Variants in KCNH7 observed in about 807,000 individuals in gnomAD.
KCNH7 encodes potassium voltage-gated channel subfamily H member 7, also known as voltage-gated inwardly rectifying potassium channel KCNH7.
Under a neutral mutation model 120.8 loss-of-function variants are expected in KCNH7, and 49 were observed. The observed-to-expected ratio is 0.41, with a 90% confidence interval of 0.32 to 0.51. The LOEUF is 0.51. KCNH7 is among the 20% of genes least tolerant of loss of function. KCNH7 has a pLI of 0.38. For missense variants in KCNH7, 1,097 were observed against 1,446.6 expected, an observed-to-expected ratio of 0.76 and a Z score of 3.92; for synonymous variants, 547 against 516.1, an observed-to-expected ratio of 1.06 and a Z score of -0.81.
intron 12 of KCNH7, among the ~76,000 whole-genome samples, chr2:162,386,331 T>C (rs1167764716): frequency 6.6e-6 from 1 of 151,938 alleles, no homozygotes; most frequent in African/African-American, 2.4e-5. Context: ...CCAATTTTCT[T>C]TGTTTTTAAC....
intron 2 of KCNH7, among the ~76,000 whole-genome samples, chr2:162,554,366 T>C (rs1165657595): frequency 6.6e-6 from 1 of 152,216 alleles, no homozygotes. Flanking sequence ...CATAGCCTTT[T>C]TTTTTAAGTA....
At chr2:162,558,368 G>C (rs1400231978) in intron 2 of KCNH7, among the ~76,000 whole-genome samples, 1 of 151,858 alleles carries the variant, frequency 6.6e-6, no homozygotes, top group Non-Finnish European at 1.5e-5. Flanking sequence ...TAGAGACGGG[G>C]TTTCACCATC....
chr2:162,730,799 A>AAC (rs1298299340), intron 2 of KCNH7, among the ~76,000 whole-genome samples: 5 of 152,114 alleles, frequency 3.3e-5, no homozygotes, highest in Non-Finnish European at 7.4e-5. Flanking sequence ...GTCATTCATG[A>AAC]ACATGGATAC....
chr2:162,805,288 T>C (rs1684499742), intron 2 of KCNH7, among the ~76,000 whole-genome samples: 1 of 151,234 alleles, frequency 6.6e-6, no homozygotes, highest in Non-Finnish European at 1.5e-5. Context: ...ATTATCAGAG[T>C]AAACAGACAA....
chr2:162,784,648 C>A (rs1181101676), intron 2 of KCNH7: 2 of 152,120 alleles, frequency 1.3e-5, no homozygotes, highest in Non-Finnish European at 2.9e-5. Flanking sequence ...CCACCACCTG[C>A]AAACTTGGCA....
At chr2:162,757,968 G>A (rs1688844652) in intron 2 of KCNH7, among the ~76,000 whole-genome samples, 1 of 152,114 alleles carries the variant, frequency 6.6e-6, no homozygotes, top group African/African-American at 2.4e-5. Context: ...AACCAAAGCT[G>A]GAGTGAGTAC....
chr2:162,623,491 G>A (rs1444067280), intron 2 of KCNH7, among the ~76,000 whole-genome samples: 1 of 152,062 alleles, frequency 6.6e-6, no homozygotes, highest in Non-Finnish European at 1.5e-5. Context: ...CTGTAGAACT[G>A]CTTTTTATAT....
chr2:162,758,945 CA>C (rs1328986123), intron 2 of KCNH7, among the ~76,000 whole-genome samples: 4 of 152,056 alleles, frequency 2.6e-5, no homozygotes, highest in African/African-American at 9.7e-5. Context: ...TTTGAGGAAA[CA>C]AAGGATGACA....
intron 2 of KCNH7, among the ~76,000 whole-genome samples, chr2:162,718,587 G>A (rs1378853863): frequency 2.0e-5 from 3 of 151,954 alleles, no homozygotes; most frequent in Non-Finnish European, 4.4e-5. Flanking sequence ...TTTCACTGAT[G>A]GCTCATAAAG....
intron 2 of KCNH7, among the ~76,000 whole-genome samples, chr2:162,697,358 A>G (rs1686330771): frequency 6.6e-6 from 1 of 152,176 alleles, no homozygotes; most frequent in Admixed American, 6.6e-5. Flanking sequence ...AGCCCTGAGT[A>G]CTTGTGCCAA....
chr2:162,606,844 T>C (rs1347459069), intron 2 of KCNH7, among the ~76,000 whole-genome samples: 1 of 152,074 alleles, frequency 6.6e-6, no homozygotes, highest in Non-Finnish European at 1.5e-5. Context: ...TTAAACAAAA[T>C]ATATAAACAA....
intron 2 of KCNH7, among the ~76,000 whole-genome samples, chr2:162,660,108 C>T (rs1470358356): frequency 6.6e-6 from 1 of 152,028 alleles, no homozygotes; most frequent in Non-Finnish European, 1.5e-5. Flanking sequence ...CTATTAATTT[C>T]CTATTTTCAT....
chr2:162,408,914 A>G (rs1687306684), intron 9 of KCNH7, among the ~76,000 whole-genome samples: 1 of 151,916 alleles, frequency 6.6e-6, no homozygotes, highest in South Asian at 2.1e-4. Flanking sequence ...AGAAAACAAT[A>G]AAAATGATAA....
At chr2:162,647,239 T>C (rs1467336426) in intron 2 of KCNH7, among the ~76,000 whole-genome samples, 1 of 152,198 alleles carries the variant, frequency 6.6e-6, no homozygotes, top group Non-Finnish European at 1.5e-5. Flanking sequence ...CGCAGTCTCC[T>C]AAACTAACTC....
intron 2 of KCNH7, among the ~76,000 whole-genome samples, chr2:162,831,067 T>C (rs929034132): frequency 8.5e-5 from 13 of 152,154 alleles, no homozygotes; most frequent in African/African-American, 2.9e-4. Context: ...CTGATATAGG[T>C]ACATCGAGTA....
intron 2 of KCNH7, among the ~76,000 whole-genome samples, chr2:162,721,271 A>C (rs1211000270): frequency 6.6e-6 from 1 of 152,190 alleles, no homozygotes; most frequent in African/African-American, 2.4e-5. Context: ...AATAGTTTTA[A>C]ATGATTTTTA....
chr2:162,725,267 T>C (rs1380631101), intron 2 of KCNH7, among the ~76,000 whole-genome samples: 17 of 152,148 alleles, frequency 1.1e-4, no homozygotes, highest in Non-Finnish European at 8.8e-5. Flanking sequence ...ATAAACAGTA[T>C]AAATAGTATC....
intron 6 of KCNH7, among the ~76,000 whole-genome samples, chr2:162,503,570 C>G (rs893059525): frequency 1.3e-5 from 2 of 151,982 alleles, no homozygotes; most frequent in African/African-American, 4.8e-5. Flanking sequence ...AAGAGGTTAT[C>G]TGGAAACAGT....
chr2:162,552,515 T>C (rs1263907527), intron 2 of KCNH7, among the ~76,000 whole-genome samples: 4 of 152,226 alleles, frequency 2.6e-5, no homozygotes, highest in East Asian at 3.8e-4. Context: ...TCCTCTGTCA[T>C]ACAGATTCTG....
Sources: allele counts gnomAD v4.1 joint callset (sites outside exome capture counted in the v4.1 genomes callset), GRCh38; gene constraint gnomAD v4.1.1; transcripts MANE v1.5; gene names NCBI Gene and HGNC (gene_info 2026-07-23, HGNC 2026-07-21).